The following NBDY variants were observed in gnomAD, a reference collection of about 807,000 sequenced individuals.
The protein encoded by NBDY is negative regulator of P-body association.
chrX:56,764,792 C>G (rs4826500), intron 2 of NBDY, among the ~76,000 whole-genome samples: 1,196 of 107,147 alleles, frequency 0.011, 58 homozygotes, highest in Admixed American at 0.11. Context: ...TTTGGGGGAA[C>G]CGGCAACAGT....
chrX:56,737,509 A>AT (rs971418236), intron 2 of NBDY: 6 of 949,387 alleles, frequency 6.3e-6, no homozygotes, highest in Non-Finnish European at 9.0e-6. Flanking sequence ...ATCCTGCAGT[A>AT]TTGTAATACC....
At chrX:56,751,810 T>G (rs979924429) in intron 2 of NBDY, among the ~76,000 whole-genome samples, 2 of 112,451 alleles carry the variant, frequency 1.8e-5, no homozygotes, top group Non-Finnish European at 3.8e-5. Context: ...TTGTAGGGGC[T>G]ACATACGCAG....
intron 2 of NBDY, chrX:56,737,591 A>C: frequency 3.7e-6 from 2 of 537,359 alleles, no homozygotes; most frequent in Non-Finnish European, 6.2e-6. Context: ...GACCTGCTTT[A>C]ATTTTTTTTA....
At chrX:56,785,650 A>T (rs1160184201) in intron 2 of NBDY, among the ~76,000 whole-genome samples, 1 of 111,357 alleles carries the variant, frequency 9.0e-6, no homozygotes, top group Non-Finnish European at 1.9e-5. Context: ...AGCCTCCTGA[A>T]CCAACAGGCC....
chrX:56,784,183 C>T (rs1000360368), intron 2 of NBDY, among the ~76,000 whole-genome samples: 1 of 112,358 alleles, frequency 8.9e-6, no homozygotes, highest in Non-Finnish European at 1.9e-5. Flanking sequence ...GAGACCAGGC[C>T]GTATGCTGAG....
chrX:56,782,033 T>G (rs762452714), intron 2 of NBDY, among the ~76,000 whole-genome samples: 16 of 111,352 alleles, frequency 1.4e-4, no homozygotes, highest in Middle Eastern at 4.7e-3. Context: ...GGATCAAAGT[T>G]TTGATCCCAC....
At chrX:56,735,489 C>G (rs2873172) in intron 2 of NBDY, among the ~76,000 whole-genome samples, 13,447 of 111,318 alleles carry the variant, frequency 0.12, 1,670 homozygotes, top group African/African-American at 0.38. Flanking sequence ...CTATTTGTTC[C>G]CCTGTCCTTC....
At chrX:56,754,510 A>G (rs1266517914) in intron 2 of NBDY, among the ~76,000 whole-genome samples, 1 of 112,500 alleles carries the variant, frequency 8.9e-6, no homozygotes, top group Non-Finnish European at 1.9e-5. Flanking sequence ...AAAAGATGAA[A>G]GTCATACAAT....
At chrX:56,781,428 T>G (rs2069689412) in intron 2 of NBDY, among the ~76,000 whole-genome samples, 1 of 111,754 alleles carries the variant, frequency 8.9e-6, no homozygotes, top group African/African-American at 3.3e-5. Context: ...CAACAGATCT[T>G]TGTGCAGACG....
chrX:56,752,868 C>T (rs751120566), intron 2 of NBDY, among the ~76,000 whole-genome samples: 33 of 111,622 alleles, frequency 3.0e-4, no homozygotes, highest in Admixed American at 1.8e-3. Flanking sequence ...GCCTCGGCCT[C>T]CCAAAGTGCT....
intron 2 of NBDY, among the ~76,000 whole-genome samples, chrX:56,803,035 A>G (rs2069832019): frequency 1.8e-5 from 2 of 111,548 alleles, no homozygotes; most frequent in Non-Finnish European, 3.8e-5. Context: ...TTGTAGAGCC[A>G]TAGTGCCATC....
chrX:56,808,141 A>C (rs1221244602), intron 2 of NBDY, among the ~76,000 whole-genome samples: 1 of 112,276 alleles, frequency 8.9e-6, no homozygotes, highest in Non-Finnish European at 1.9e-5. Context: ...ATGTTGAACC[A>C]GCCTTGCATC....
intron 2 of NBDY, among the ~76,000 whole-genome samples, chrX:56,798,002 G>A (rs1341179913): frequency 8.9e-6 from 1 of 111,742 alleles, no homozygotes; most frequent in Non-Finnish European, 1.9e-5. Flanking sequence ...TGGGCACAGG[G>A]GTTGGGGCTC....
intron 2 of NBDY, among the ~76,000 whole-genome samples, chrX:56,790,844 T>C (rs2069758312): frequency 8.9e-6 from 1 of 112,449 alleles, no homozygotes; most frequent in South Asian, 3.7e-4. Flanking sequence ...TTCCCTCTTG[T>C]TCACCTTTCT....
intron 2 of NBDY, among the ~76,000 whole-genome samples, chrX:56,749,142 A>T (rs2069571210): frequency 9.1e-6 from 1 of 110,143 alleles, no homozygotes; most frequent in Non-Finnish European, 1.9e-5. Context: ...CAATGGAGGT[A>T]GTATAATCCT....
At chrX:56,793,148 G>A (rs1333403097) in intron 2 of NBDY, among the ~76,000 whole-genome samples, 1 of 112,243 alleles carries the variant, frequency 8.9e-6, no homozygotes, top group Non-Finnish European at 1.9e-5. Context: ...TCCCAAGGTG[G>A]TAAACTCTAC....
chrX:56,786,952 C>G (rs1401797759), intron 2 of NBDY, among the ~76,000 whole-genome samples: 1 of 111,347 alleles, frequency 9.0e-6, no homozygotes, highest in Non-Finnish European at 1.9e-5. Context: ...TGAATGAATG[C>G]CCCCTTCACC....
chrX:56,784,471 C>A (rs2069715329), intron 2 of NBDY, among the ~76,000 whole-genome samples: 1 of 111,644 alleles, frequency 9.0e-6, no homozygotes, highest in Non-Finnish European at 1.9e-5. Flanking sequence ...GGAGAGAAAG[C>A]CACTTGTTAT....
At chrX:56,782,982 G>C (rs761369179) in intron 2 of NBDY, among the ~76,000 whole-genome samples, 4 of 110,886 alleles carry the variant, frequency 3.6e-5, no homozygotes, top group African/African-American at 1.3e-4. Flanking sequence ...GATACACACA[G>C]ACACACACAC....
Sources: allele counts gnomAD v4.1 joint callset (sites outside exome capture counted in the v4.1 genomes callset), GRCh38; gene constraint gnomAD v4.1.1; transcripts MANE v1.5; gene names NCBI Gene and HGNC (gene_info 2026-07-23, HGNC 2026-07-21).